GLT1D1: variants seen among roughly 807,000 people sequenced by gnomAD.
The protein encoded by GLT1D1 is glycosyltransferase 1 domain-containing protein 1.
GLT1D1 carries 21 observed loss-of-function variants against 28.7 expected under a neutral mutation model. The observed-to-expected ratio is 0.73, with a 90% CI of 0.52 to 1.05. The LOEUF is 1.05. GLT1D1 is among the 50% of genes least tolerant of loss of function. The pLI is 0.00. For synonymous variants in GLT1D1, 147 were observed against 124.8 expected (o/e 1.18, Z -1.19); for missense variants, 343 against 330.6 (o/e 1.04, Z -0.29).
chr12:128,939,104 T>A (rs908549027), intron 4 of GLT1D1, among the ~76,000 whole-genome samples: 1 of 152,070 alleles, frequency 6.6e-6, no homozygotes, highest in Admixed American at 6.6e-5. Flanking sequence ...TAAGATGATG[T>A]CGTGTCACGG....
intron 4 of GLT1D1, among the ~76,000 whole-genome samples, chr12:128,917,280 C>T (rs1872196232): frequency 6.6e-6 from 1 of 152,088 alleles, no homozygotes; most frequent in Non-Finnish European, 1.5e-5. Flanking sequence ...ATTATTTTAG[C>T]TATTCTAGGT....
At chr12:128,859,493 G>A (rs1262219792) in intron 1 of GLT1D1, among the ~76,000 whole-genome samples, 1 of 152,176 alleles carries the variant, frequency 6.6e-6, no homozygotes, top group East Asian at 1.9e-4. Context: ...AGTGTTGGGG[G>A]CTACTGGCAT....
chr12:128,961,460 C>T (rs1023276005), intron 7 of GLT1D1, among the ~76,000 whole-genome samples: 4 of 152,134 alleles, frequency 2.6e-5, no homozygotes, highest in African/African-American at 4.8e-5. Context: ...GTACATATGG[C>T]CAGTGGAGTA....
rs532110762 is a variant in GLT1D1, at chr12:128,901,927, A to C, written c.375+2640A>C. ...TATGTGTGGCCAAATTTGAATTTTC[A>C]AGTAAAATTAGAATTTTGGAAAGCC... On this transcript the variant is annotated intron_variant, in intron 4 of 7. Transcript: ENST00000281703. 4.0e-5 allele frequency among the ~76,000 whole-genome samples: 6 copies of C among 151,688 alleles called. No homozygotes were observed. The South Asian group carries it at 1.2e-3, about 32-fold the overall frequency.
chr12:128,941,305 T>C (rs919017933), intron 4 of GLT1D1, among the ~76,000 whole-genome samples: 3 of 152,250 alleles, frequency 2.0e-5, no homozygotes, highest in Admixed American at 6.5e-5. Context: ...GTCAGACCTT[T>C]GGTCATAGAC....
intron 7 of GLT1D1, among the ~76,000 whole-genome samples, chr12:128,965,732 A>AAAAAAAAAAAAAAAAG (rs75853652): frequency 9.6e-6 from 1 of 104,574 alleles, no homozygotes; most frequent in Admixed American, 1.3e-4. Flanking sequence ...AAAAAAAAAA[A>AAAAAAAAAAAAAAAAG]AAAGAAAAAG....
intron 4 of GLT1D1, 41 bp from the exon 7 acceptor site, chr12:128,926,318 A>G: frequency 1.9e-6 from 2 of 1,044,432 alleles, no homozygotes; most frequent in Non-Finnish European, 2.8e-6. Flanking sequence ...CAGCATCCAG[A>G]GCCCTCCCCA....
chr12:128,875,791 ACT>A (rs1412264535), intron 1 of GLT1D1, 121 bp from the exon 2 acceptor site: 7 of 942,894 alleles, frequency 7.4e-6, no homozygotes, highest in Non-Finnish European at 8.0e-6. Context: ...CATGAGTGAA[ACT>A]CTGTCTCAAC....
intron 1 of GLT1D1, 126 bp from the exon 2 acceptor site, chr12:128,875,788 G>C: frequency 1.1e-6 from 1 of 922,640 alleles, no homozygotes; most frequent in South Asian, 1.7e-5. Context: ...CAACATGAGT[G>C]AAACTCTGTC....
At chr12:128,866,067 C>CTTTTT (rs1208489895) in intron 1 of GLT1D1, among the ~76,000 whole-genome samples, 2 of 133,504 alleles carry the variant, frequency 1.5e-5, no homozygotes, top group East Asian at 2.2e-4. Context: ...GTGATTGTAC[C>CTTTTT]TTTTTTTTTT....
intron 4 of GLT1D1, among the ~76,000 whole-genome samples, chr12:128,941,549 T>C (rs1875236642): frequency 6.6e-6 from 1 of 151,306 alleles, no homozygotes; most frequent in African/African-American, 2.4e-5. Flanking sequence ...ATTCTGTCTC[T>C]TCTTTCTCTC....
At position 128,912,387 on chromosome 12, in the gene GLT1D1, A is replaced by G. The variant is rs560952192; in HGVS notation, c.375+13100A>G. On this transcript the variant is annotated intron_variant, in intron 4 of 7. Transcript: ENST00000281703. The stretch of plus-strand genomic sequence containing the variant: ...AAAAGCAGTTGTCATGCACTGTCCA[A>G]TGTACTTTTCTTTTCTCTCTCCCCT... 1,303 of 1,438,450 alleles carry G rather than the reference A, an allele frequency of 9.1e-4. 3 individuals are homozygous for G. The highest frequency in any genetic ancestry group is 1.1e-3 in the Non-Finnish European group (1,194 of 1,061,660). The allele number at this position is 1,438,450 out of a possible 1,614,324, so 89.1% of individuals were successfully genotyped here.
At chr12:128,878,634 G>T (rs1408920143) in intron 2 of GLT1D1, among the ~76,000 whole-genome samples, 1 of 151,646 alleles carries the variant, frequency 6.6e-6, no homozygotes, top group Non-Finnish European at 1.5e-5. Flanking sequence ...TTGACACAGG[G>T]TCTCACTCTG....
At chr12:128,975,178 C>T (rs1359104680) in intron 7 of GLT1D1, among the ~76,000 whole-genome samples, 3 of 152,166 alleles carry the variant, frequency 2.0e-5, no homozygotes, top group East Asian at 1.9e-4. Flanking sequence ...CACGGAGCCT[C>T]CCTGGCTCAG....
At chr12:128,885,693 A>G (rs1189154632) in intron 2 of GLT1D1, among the ~76,000 whole-genome samples, 1 of 152,220 alleles carries the variant, frequency 6.6e-6, no homozygotes, top group Non-Finnish European at 1.5e-5. Flanking sequence ...TTTGACATAT[A>G]TGAGTTATTG....
At chr12:128,869,849 G>C (rs1956638464) in intron 1 of GLT1D1, among the ~76,000 whole-genome samples, 2 of 151,880 alleles carry the variant, frequency 1.3e-5, no homozygotes, top group Admixed American at 1.3e-4. Flanking sequence ...ATTGACATTT[G>C]AGTTCAAGAC....
chr12:128,924,828 G>T (rs959620958), intron 4 of GLT1D1, among the ~76,000 whole-genome samples: 15 of 152,176 alleles, frequency 9.9e-5, no homozygotes, highest in African/African-American at 2.9e-4. Flanking sequence ...GTCTTCCCCC[G>T]CCCAGGCTTG....
At chr12:128,952,461 A>AGTTC (rs1876798017) in intron 6 of GLT1D1, among the ~76,000 whole-genome samples, 1 of 102,252 alleles carries the variant, frequency 9.8e-6, no homozygotes, top group Non-Finnish European at 1.9e-5. Context: ...GAAAAGGGAA[A>AGTTC]TTTCTTTCTT....
At position 128,865,979 on chromosome 12, in the gene GLT1D1, G is replaced by T. The variant is rs571318798; in HGVS notation, c.69-9935G>T. Among the ~76,000 whole-genome samples, 120 of 152,196 alleles carry T rather than the reference G, an allele frequency of 7.9e-4. 1 individual carries two copies. The highest frequency in any genetic ancestry group is 3.4e-3 in the Middle Eastern group (1 of 292). On this transcript the variant is annotated intron_variant, in intron 1 of 7. Transcript: ENST00000281703. Reference sequence around the variant, plus strand: ...TAAAGTATACAGGAGGATGTGTGAAGGTGATATGCAAATGCTGTGCCATTT... The same window carrying T: ...TAAAGTATACAGGAGGATGTGTGAATGTGATATGCAAATGCTGTGCCATTT...
Sources: gnomAD v4.1 joint callset for allele counts (sites outside exome capture counted in the v4.1 genomes callset) on GRCh38, gnomAD v4.1.1 for gene constraint, MANE v1.5 for transcripts, NCBI Gene and HGNC (gene_info 2026-07-23, HGNC 2026-07-21) for gene names.